HDAC4: variants seen among roughly 807,000 people sequenced by gnomAD.
The protein encoded by HDAC4 is histone deacetylase 4.
HDAC4 carries 16 observed loss-of-function variants against 135.1 expected under a neutral mutation model. The observed-to-expected ratio is 0.12, with a 90% confidence interval of 0.08 to 0.18. The LOEUF (loss-of-function observed/expected upper bound fraction) is 0.18, where lower values mean the gene tolerates loss of function less well. HDAC4 is among the 10% of genes least tolerant of loss of function. HDAC4 has a pLI of 1.00. For missense variants in HDAC4, 1,143 were observed against 1,511.8 expected (o/e 0.76, Z 4.05); for synonymous variants, 685 against 653.4 (o/e 1.05, Z -0.74).
chr2:239,291,027 G>A (rs900982037), intron 2 of HDAC4, among the ~76,000 whole-genome samples: 19 of 152,248 alleles, frequency 1.2e-4, no homozygotes, highest in Admixed American at 9.8e-4. Context: ...GGAAAGAGCC[G>A]TTCAGAAGGC....
intron 3 of HDAC4, among the ~76,000 whole-genome samples, chr2:239,209,168 G>C (rs982189795): frequency 6.6e-6 from 1 of 152,204 alleles, no homozygotes; most frequent in African/African-American, 2.4e-5. Flanking sequence ...GGTGTGATCA[G>C]GCCACTGTGC....
At chr2:239,206,394 GCACA>G (rs5839729) in intron 3 of HDAC4, among the ~76,000 whole-genome samples, 23 of 148,828 alleles carry the variant, frequency 1.5e-4, no homozygotes, top group Admixed American at 6.0e-4. Flanking sequence ...ACACATACGT[GCACA>G]CACACACACA....
chr2:239,145,658 C>T (rs1412564897), intron 7 of HDAC4, among the ~76,000 whole-genome samples: 1 of 152,220 alleles, frequency 6.6e-6, no homozygotes, highest in East Asian at 1.9e-4. Flanking sequence ...TGAGGTTTTA[C>T]TTGGCTACTT....
Position 239,097,734 on chromosome 2 carries a change from C to T in HDAC4, c.2234-2678G>A, listed in dbSNP as rs372964462. 1.7e-3 allele frequency among the ~76,000 whole-genome samples: 258 copies of T among 152,326 alleles called. 2 individuals are homozygous for T. The highest frequency in any genetic ancestry group is 6.0e-3 in the African/African-American group (248 of 41,574). On this transcript the variant is annotated intron_variant, in intron 16 of 26. Coordinates refer to ENST00000543185, the MANE Select transcript of HDAC4 (RefSeq NM_001378414.1). Reference sequence around the variant, plus strand: ...TGAAAAAGGAGGAGGGCGTGGGTGCCAAGGTGCCAAGCCACCTGCTGTCCT... The same window carrying T: ...TGAAAAAGGAGGAGGGCGTGGGTGCTAAGGTGCCAAGCCACCTGCTGTCCT...
intron 2 of HDAC4, among the ~76,000 whole-genome samples, chr2:239,270,214 G>T (rs2049982319): frequency 6.6e-6 from 1 of 152,214 alleles, no homozygotes; most frequent in Non-Finnish European, 1.5e-5. Context: ...TGTGGACCCT[G>T]TGGCCTGTCC....
At chr2:239,280,649 C>A (rs113129790) in intron 2 of HDAC4, among the ~76,000 whole-genome samples, 104 of 152,270 alleles carry the variant, frequency 6.8e-4, no homozygotes, top group African/African-American at 2.5e-3. Context: ...AGACACCAGG[C>A]ACAACAAAGA....
chr2:239,095,447 C>T (rs1469875816), intron 16 of HDAC4, among the ~76,000 whole-genome samples: 2 of 152,188 alleles, frequency 1.3e-5, no homozygotes, highest in Admixed American at 1.3e-4. Flanking sequence ...AGCCTGGCTC[C>T]TCAGTGAGCT....
intron 2 of HDAC4, among the ~76,000 whole-genome samples, chr2:239,254,251 A>AG (rs1224315825): frequency 2.0e-5 from 3 of 152,206 alleles, no homozygotes; most frequent in African/African-American, 7.2e-5. Context: ...AGAGGAAGGG[A>AG]GGGAGGAAAG....
intron 6 of HDAC4, among the ~76,000 whole-genome samples, chr2:239,158,311 T>C (rs2042553974): frequency 6.6e-6 from 1 of 152,190 alleles, no homozygotes; most frequent in Admixed American, 6.5e-5. Context: ...GTTCACTTTT[T>C]CCTTCATGGG....
chr2:239,115,225 A>G lies in HDAC4; in HGVS notation c.1619T>C (p.Leu540Pro), dbSNP rs2039025360. Residue 540 changes from leucine to proline, a missense_variant, in exon 13 of 27, where the codon CTG (leucine) becomes CCG (proline). Around this residue, in one of 9 missense-constraint regions of HDAC4, gnomAD observed 196 missense variants for 210.7 expected, o/e 0.93. Transcript: ENST00000543185. This position sits in a 1 kb window ranked among gnomAD's most constrained non-coding sequence, Gnocchi z 6.3. ...CCGGTCCAGGTAGGGCTCGTCCAGCAGAGCCTGGTGCTCACGGAGCTCCTC... is the reference window on the plus strand; with the variant it reads ...CCGGTCCAGGTAGGGCTCGTCCAGCGGAGCCTGGTGCTCACGGAGCTCCTC... ...TEEELREHQA[L>P]LDEPYLDRLP... is the part of the protein sequence containing the mutation. 1.9e-6 allele frequency: 3 copies of G among 1,612,606 alleles called. No homozygotes were observed. The highest frequency in any genetic ancestry group is 2.5e-6 in the Non-Finnish European group (3 of 1,179,818).
intron 2 of HDAC4, among the ~76,000 whole-genome samples, chr2:239,286,188 T>C (rs1174584481): frequency 2.0e-5 from 3 of 152,136 alleles, no homozygotes; most frequent in Non-Finnish European, 4.4e-5. Flanking sequence ...TTTTAAGTAA[T>C]GAATCAGAGG....
chr2:239,311,400 G>A (rs2052869614), intron 2 of HDAC4, among the ~76,000 whole-genome samples: 1 of 152,234 alleles, frequency 6.6e-6, no homozygotes, highest in South Asian at 2.1e-4. Context: ...AACAGTGGAT[G>A]AAGTGTCCTC....
chr2:239,095,435 C>A (rs1362680582), intron 16 of HDAC4, among the ~76,000 whole-genome samples: 2 of 152,176 alleles, frequency 1.3e-5, no homozygotes, highest in African/African-American at 4.8e-5. Context: ...TCCAGGACCC[C>A]GAGCCTGGCT....
intron 2 of HDAC4, among the ~76,000 whole-genome samples, chr2:239,330,485 C>G (rs1205484387): frequency 3.9e-5 from 6 of 152,242 alleles, no homozygotes; most frequent in Admixed American, 3.9e-4. Context: ...CTGGCCCCAC[C>G]GAACACTGGC....
rs2048909687 is a variant in HDAC4, at chr2:239,253,760, G to A, written c.23-17096C>T. On this transcript the variant is annotated intron_variant, in intron 2 of 26. Transcript: ENST00000543185. ...TTACCAGAAAGGAAAGAAAGCAAAC[G>A]GCCCTCTGAGCAGGTGCACTAAGAC... 2.0e-5 allele frequency among the ~76,000 whole-genome samples: 3 copies of A among 152,154 alleles called. No individual in the cohort carries two copies. The South Asian group carries it at 6.2e-4, about 32-fold the overall frequency.
chr2:239,341,258 G>A (rs761893755), intron 2 of HDAC4, among the ~76,000 whole-genome samples: 1 of 152,258 alleles, frequency 6.6e-6, no homozygotes, highest in African/African-American at 2.4e-5. Flanking sequence ...GACGTGGGGC[G>A]AAGGCCGCCT....
At chr2:239,093,902 C>T (rs1296617317) in intron 17 of HDAC4, 1 of 976,552 alleles carries the variant, frequency 1.0e-6, no homozygotes, top group African/African-American at 1.7e-5. Flanking sequence ...ATTTACAATA[C>T]AAAATAAAAT....
At chr2:239,288,971 T>C (rs982641330) in intron 2 of HDAC4, among the ~76,000 whole-genome samples, 6 of 152,178 alleles carry the variant, frequency 3.9e-5, no homozygotes, top group African/African-American at 1.2e-4. Context: ...GCTGGGACAA[T>C]TGCAGGGAGG....
chr2:239,328,379 G>A (rs2053530176), intron 2 of HDAC4, among the ~76,000 whole-genome samples: 1 of 152,212 alleles, frequency 6.6e-6, no homozygotes, highest in Non-Finnish European at 1.5e-5. Context: ...CTTAAGATGA[G>A]GTTTGCTGTG....
Sources: allele counts gnomAD v4.1 joint callset (sites outside exome capture counted in the v4.1 genomes callset), GRCh38; gene constraint gnomAD v4.1.1; regional missense constraint gnomAD v4.1.1; non-coding constraint Gnocchi (gnomAD v3.1); transcripts MANE v1.5; gene names NCBI Gene and HGNC (gene_info 2026-07-23, HGNC 2026-07-21).